SLC18A1: variants seen among roughly 807,000 people sequenced by gnomAD.
The protein encoded by SLC18A1 is chromaffin granule amine transporter.
Under a neutral mutation model 53.7 loss-of-function variants are expected in SLC18A1, and 69 were observed. The ratio of observed to expected loss-of-function variants is 1.28; its 90% CI spans 1.06 to 1.57. The LOEUF is 1.57. Among genes scored for constraint, SLC18A1 ranks in the 40% most tolerant of loss-of-function variants. SLC18A1 has a pLI of 0.00. For synonymous variants in SLC18A1, 320 were observed against 248.1 expected, an observed-to-expected ratio of 1.29 and a Z score of -2.72; for missense variants, 932 against 668.1, an observed-to-expected ratio of 1.40 and a Z score of -4.35.
chr8:20,146,969 A>G (rs2071417652), intron 15 of SLC18A1, among the ~76,000 whole-genome samples: 1 of 152,186 alleles, frequency 6.6e-6, no homozygotes, highest in Admixed American at 6.5e-5. Context: ...CAAGCTAAGA[A>G]CAGTAACTAC....
At chr8:20,152,654 G>A (rs1349492134) in intron 10 of SLC18A1, among the ~76,000 whole-genome samples, 1 of 152,188 alleles carries the variant, frequency 6.6e-6, no homozygotes, top group Admixed American at 6.5e-5. Context: ...TATTCAAGCA[G>A]AGCTGTCAGG....
At chr8:20,170,001 T>C (rs183208532) in intron 8 of SLC18A1, among the ~76,000 whole-genome samples, 388 of 152,278 alleles carry the variant, frequency 2.5e-3, no homozygotes, top group South Asian at 8.5e-3. Context: ...TGGATGAGTG[T>C]CCCTACGCCT....
rs901050696 is a variant in SLC18A1 at position 20,179,189 on chromosome 8, C to G, written c.420G>C (p.Gly140=). Reference sequence around the variant, plus strand: ...TCACAGCCTTTGAAGCAAACAGAACCCCGACCCGGGTAATCTCTTCCTCCA... The same window carrying G: ...TCACAGCCTTTGAAGCAAACAGAACGCCGACCCGGGTAATCTCTTCCTCCA... ...GFLEEEITRV[G]VLFASKAVMQ... Residue 140 remains glycine, a synonymous_variant, in exon 3 of 16, where the codon GGG becomes GGC. Transcript: ENST00000276373. 1.9e-6 allele frequency: 3 copies of G among 1,614,102 alleles called. No homozygotes were observed. Among genetic ancestry groups the G allele is most frequent in the Non-Finnish European group, 2.5e-6 (3 of 1,180,032 alleles).
chr8:20,162,580 C>T (rs751483361), intron 10 of SLC18A1, among the ~76,000 whole-genome samples: 3 of 152,180 alleles, frequency 2.0e-5, no homozygotes, highest in Non-Finnish European at 4.4e-5. Flanking sequence ...TAGTTTATTG[C>T]CTCTAAGTTC....
At chr8:20,172,507 T>C (rs1304813407) in intron 6 of SLC18A1, among the ~76,000 whole-genome samples, 1 of 152,206 alleles carries the variant, frequency 6.6e-6, no homozygotes, top group East Asian at 1.9e-4. Context: ...TTAAGTTGTA[T>C]GAGGGAGGAG....
rs149607589 is a variant in SLC18A1 at position 20,149,709 on chromosome 8, G to A, written c.1113C>T (p.Ile371=). ...AGCTGGTACCTACTACCAGCATCCCGATTAGGGAACACAGCCACCTGGAAG... is the reference window on the plus strand; with the variant it reads ...AGCTGGTACCTACTACCAGCATCCCAATTAGGGAACACAGCCACCTGGAAG... ...NKMGRWLCSL[I]GMLVVGTSLL... is the part of the protein sequence containing the mutation. The change falls in exon 12 of 16, where the codon ATC becomes ATT. Residue 371 remains isoleucine, a synonymous_variant. Coordinates refer to ENST00000276373, the MANE Select transcript of SLC18A1 (RefSeq NM_003053.4). 6.8e-6 allele frequency: 11 copies of A among 1,612,966 alleles called. No homozygotes were observed. The highest frequency in any genetic ancestry group is 4.5e-5 in the East Asian group (2 of 44,808).
intron 12 of SLC18A1, among the ~76,000 whole-genome samples, chr8:20,149,100 C>A (rs1026567439): frequency 1.1e-4 from 16 of 152,110 alleles, no homozygotes; most frequent in Non-Finnish European, 2.9e-5. Flanking sequence ...CTCCCTCAGG[C>A]CTAGGAGGTT....
chr8:20,151,221 T>C (rs1242969094), intron 10 of SLC18A1, among the ~76,000 whole-genome samples: 2 of 151,166 alleles, frequency 1.3e-5, no homozygotes, highest in East Asian at 4.0e-4. Context: ...AGGCTGGTCA[T>C]GAAATCCTGC....
At chr8:20,175,091 G>T (rs952858) in intron 4 of SLC18A1, among the ~76,000 whole-genome samples, 1 of 152,108 alleles carries the variant, frequency 6.6e-6, no homozygotes, top group Non-Finnish European at 1.5e-5. Context: ...GAGAGGCAGT[G>T]TGTTGAAGAT....
Position 20,165,123 on chromosome 8 carries a change from A to G in SLC18A1, c.859-16T>C. The G allele has an allele frequency of 1.2e-6, 2 of 1,610,704 alleles. No homozygotes were observed. Among genetic ancestry groups the G allele is most frequent in the East Asian group, 2.2e-5 (1 of 44,866 alleles). On this transcript the variant is annotated splice_polypyrimidine_tract_variant and intron_variant, in intron 8 of 15. Coordinates refer to ENST00000276373, the MANE Select transcript of SLC18A1 (RefSeq NM_003053.4). ...CCTTGGCACTCTGAGAACATGGATAACAAAAAATGTCCATTTGTACAGTGC... is the reference window on the plus strand; with the variant it reads ...CCTTGGCACTCTGAGAACATGGATAGCAAAAAATGTCCATTTGTACAGTGC...
chr8:20,171,364 A>G (rs2072111229), intron 7 of SLC18A1, 41 bp downstream of exon 7: 2 of 1,549,818 alleles, frequency 1.3e-6, no homozygotes, highest in East Asian at 2.2e-5. Flanking sequence ...TCCCAACCTG[A>G]CCTGGGCTGT....
intron 10 of SLC18A1, among the ~76,000 whole-genome samples, chr8:20,157,954 G>A (rs762685191): frequency 3.3e-5 from 5 of 152,148 alleles, no homozygotes; most frequent in Non-Finnish European, 5.9e-5. Context: ...AAGATTGTCC[G>A]AATAGAAATA....
chr8:20,172,856 T>C (rs1253901622), intron 6 of SLC18A1, among the ~76,000 whole-genome samples, 180 bp downstream of exon 6: 2 of 152,342 alleles, frequency 1.3e-5, no homozygotes, highest in African/African-American at 2.4e-5. Flanking sequence ...CCGACGTTTA[T>C]GTGTTTCCCA....
In SLC18A1 at chr8:20,181,170, C is replaced by G. The variant is rs73608371; in HGVS notation, c.-123-83G>C. 1,580 of 451,900 alleles carry G rather than the reference C, an allele frequency of 3.5e-3. 18 individuals are homozygous for G. Among genetic ancestry groups the G allele is most frequent in the African/African-American group, 0.024 (1,179 of 50,138 alleles). 28.0% of individuals were successfully genotyped at this position (451,900 alleles called of 1,614,324 possible). ...TCCATGTCTGTATCACTGTTCACTT[C>G]TTATAAATCTCAATAACTCTACCTG... On this transcript the variant is annotated intron_variant, in intron 1 of 15. Coordinates refer to ENST00000276373, the MANE Select transcript of SLC18A1 (RefSeq NM_003053.4).
chr8:20,157,471 T>C (rs556864510), intron 10 of SLC18A1, among the ~76,000 whole-genome samples: 12 of 152,258 alleles, frequency 7.9e-5, no homozygotes, highest in Admixed American at 6.5e-4. Context: ...CGCAGACATT[T>C]GCTAACTTGC....
chr8:20,179,532 CT>C (rs1257443497), intron 2 of SLC18A1, 48 bp from the exon 3 acceptor site: 1 of 1,558,886 alleles, frequency 6.4e-7, no homozygotes, highest in Non-Finnish European at 8.7e-7. Flanking sequence ...CCGATGTCAT[CT>C]TACCACTGAA....
intron 12 of SLC18A1, 92 bp downstream of exon 12, chr8:20,149,584 C>A (rs1391455039): frequency 3.0e-6 from 3 of 992,224 alleles, no homozygotes; most frequent in Non-Finnish European, 4.4e-6. Flanking sequence ...CTCTCTCTCT[C>A]TCTCCCTCTC....
intron 12 of SLC18A1, chr8:20,148,421 A>G (rs2071461487): frequency 2.3e-6 from 3 of 1,282,194 alleles, no homozygotes; most frequent in East Asian, 5.3e-5. Context: ...TCACCTAAAC[A>G]TACACTCCTG....
At chr8:20,165,212 A>T in intron 8 of SLC18A1, 105 bp from the exon 9 acceptor site, 2 of 999,162 alleles carry the variant, frequency 2.0e-6, no homozygotes, top group Non-Finnish European at 3.1e-6. Context: ...GACCATCTAC[A>T]GTATCTCCTT....
Sources: allele counts gnomAD v4.1 joint callset (sites outside exome capture counted in the v4.1 genomes callset), GRCh38; gene constraint gnomAD v4.1.1; transcripts MANE v1.5; gene names NCBI Gene and HGNC (gene_info 2026-07-23, HGNC 2026-07-21).